Variants in ADCY8 observed in about 807,000 individuals in gnomAD.
ADCY8 encodes adenylate cyclase type 8.
ADCY8 carries 51 observed loss-of-function variants against 119.7 expected under a neutral mutation model. The observed-to-expected ratio is 0.43, with a 90% confidence interval of 0.34 to 0.54. ADCY8 has a LOEUF of 0.54. Among genes scored for constraint, ADCY8 ranks in the 20% least tolerant of loss-of-function variants. The probability of loss-of-function intolerance (pLI) is 0.03; values close to 1 mark genes in which losing one functional copy is unlikely to be tolerated. For synonymous variants in ADCY8, 665 were observed against 651.0 expected (o/e 1.02, Z -0.33); for missense variants, 1,383 against 1,598.8 (o/e 0.87, Z 2.30).
chr8:130,996,077 T>C (rs1246907445), intron 1 of ADCY8, among the ~76,000 whole-genome samples: 1 of 152,100 alleles, frequency 6.6e-6, no homozygotes, highest in African/African-American at 2.4e-5. Context: ...ACAATGATCT[T>C]ACAATAGCAT....
intron 5 of ADCY8, among the ~76,000 whole-genome samples, chr8:130,918,797 C>T (rs939022728): frequency 1.3e-5 from 2 of 152,190 alleles, no homozygotes; most frequent in East Asian, 3.9e-4. Flanking sequence ...CACGGTGGCT[C>T]ATGCCGTAAT....
At chr8:131,023,641 C>A (rs549174445) in intron 1 of ADCY8, among the ~76,000 whole-genome samples, 1 of 152,318 alleles carries the variant, frequency 6.6e-6, no homozygotes, top group Admixed American at 6.5e-5. Flanking sequence ...TATCTTACTA[C>A]ATATTTCCTA....
At chr8:130,791,391 G>A (rs1296969447) in intron 15 of ADCY8, among the ~76,000 whole-genome samples, 4 of 152,176 alleles carry the variant, frequency 2.6e-5, no homozygotes, top group African/African-American at 7.2e-5. Context: ...GGCAGGTGCC[G>A]GTAAGCGGAG....
chr8:130,904,508 A>G (rs1371393915), intron 6 of ADCY8, among the ~76,000 whole-genome samples: 2 of 152,158 alleles, frequency 1.3e-5, no homozygotes, highest in Admixed American at 1.3e-4. Context: ...TTCAATCTTC[A>G]TGTATTTGTA....
intron 2 of ADCY8, among the ~76,000 whole-genome samples, chr8:130,971,927 T>G (rs1468819333): frequency 6.6e-6 from 1 of 152,222 alleles, no homozygotes; most frequent in Non-Finnish European, 1.5e-5. Flanking sequence ...TGAAAGCTAC[T>G]GGGGGCTACT....
At chr8:130,928,362 T>C (rs1286323043) in intron 5 of ADCY8, among the ~76,000 whole-genome samples, 2 of 152,216 alleles carry the variant, frequency 1.3e-5, no homozygotes, top group Non-Finnish European at 2.9e-5. Context: ...TGTGAGCTGC[T>C]GCACTTGGCC....
chr8:130,807,971 G>T (rs1212447618), intron 14 of ADCY8, among the ~76,000 whole-genome samples: 1 of 75,282 alleles, frequency 1.3e-5, no homozygotes, highest in Non-Finnish European at 2.5e-5. Context: ...GTGACAGAGC[G>T]AGACTCCGTC....
At chr8:130,970,412 T>A (rs1367642683) in intron 2 of ADCY8, among the ~76,000 whole-genome samples, 4 of 152,194 alleles carry the variant, frequency 2.6e-5, no homozygotes, top group African/African-American at 9.7e-5. Context: ...CCTGATGATT[T>A]ATCACTGTCT....
At chr8:130,794,866 A>G (rs1399624194) in intron 15 of ADCY8, among the ~76,000 whole-genome samples, 1 of 152,220 alleles carries the variant, frequency 6.6e-6, no homozygotes, top group Non-Finnish European at 1.5e-5. Context: ...TAACTTGCTT[A>G]AGGACATAGA....
chr8:130,859,636 C>T (rs1817861651), intron 9 of ADCY8, among the ~76,000 whole-genome samples: 1 of 152,250 alleles, frequency 6.6e-6, no homozygotes, highest in East Asian at 1.9e-4. Context: ...ATGGGATCCC[C>T]TAAACTCCTA....
chr8:130,890,243 C>T (rs1209159672), intron 7 of ADCY8, among the ~76,000 whole-genome samples: 1 of 151,778 alleles, frequency 6.6e-6, no homozygotes, highest in Non-Finnish European at 1.5e-5. Context: ...GGAGATATAC[C>T]TAATGTAAAT....
chr8:130,958,974 C>A (rs1821518981), intron 2 of ADCY8, among the ~76,000 whole-genome samples: 1 of 152,084 alleles, frequency 6.6e-6, no homozygotes, highest in Non-Finnish European at 1.5e-5. Context: ...CCTAGAATAA[C>A]ACCTGGTTTA....
intron 1 of ADCY8, among the ~76,000 whole-genome samples, chr8:130,999,022 C>T (rs1476661709): frequency 6.6e-6 from 1 of 152,150 alleles, no homozygotes; most frequent in African/African-American, 2.4e-5. Flanking sequence ...TGTCAATGAC[C>T]TGATGATCAC....
intron 1 of ADCY8, among the ~76,000 whole-genome samples, chr8:131,000,858 G>T (rs964292757): frequency 6.6e-6 from 1 of 151,996 alleles, no homozygotes; most frequent in East Asian, 1.9e-4. Context: ...AAGGAGGTGC[G>T]CGTTGTCTGC....
intron 13 of ADCY8, among the ~76,000 whole-genome samples, chr8:130,817,061 A>T (rs1239236560): frequency 6.6e-6 from 1 of 152,242 alleles, no homozygotes; most frequent in Non-Finnish European, 1.5e-5. Flanking sequence ...CCCTAAGGAT[A>T]AAAAGAGCTC....
At chr8:130,931,103 C>T (rs1453130557) in intron 5 of ADCY8, among the ~76,000 whole-genome samples, 3 of 152,136 alleles carry the variant, frequency 2.0e-5, no homozygotes, top group African/African-American at 4.8e-5. Flanking sequence ...CTTCCTTTAG[C>T]GTTTCTTATA....
chr8:131,010,039 A>G (rs1183703737), intron 1 of ADCY8, among the ~76,000 whole-genome samples: 1 of 152,206 alleles, frequency 6.6e-6, no homozygotes, highest in African/African-American at 2.4e-5. Context: ...GTATGACTGC[A>G]TTGTTTTGTA....
At position 130,937,716 on chromosome 8, in the gene ADCY8, C is replaced by T. The variant is rs1219120609; in HGVS notation, c.1354-516G>A. Among the ~76,000 whole-genome samples the T allele has an allele frequency of 4.6e-5, 7 of 152,188 alleles. No homozygotes were observed. The East Asian group carries it at 1.2e-3, about 25-fold the overall frequency. On this transcript the variant is annotated intron_variant, in intron 4 of 17. Transcript: ENST00000286355. The stretch of plus-strand genomic sequence containing the variant: ...TGCACTTTATGAGGAGGAACTAAGT[C>T]TTCTTATATATCCTTTTATTCGTTT...
At chr8:130,936,609 G>A (rs190640237) in intron 5 of ADCY8, among the ~76,000 whole-genome samples, 1 of 152,254 alleles carries the variant, frequency 6.6e-6, no homozygotes, top group Admixed American at 6.5e-5. Context: ...TCAGTCAACA[G>A]CTTAGACATT....
Sources: allele counts gnomAD v4.1 joint callset (sites outside exome capture counted in the v4.1 genomes callset), GRCh38; gene constraint gnomAD v4.1.1; transcripts MANE v1.5; gene names NCBI Gene and HGNC (gene_info 2026-07-23, HGNC 2026-07-21).